The following GNAI1 variants were observed in gnomAD, a reference collection of about 807,000 sequenced individuals.
The protein encoded by GNAI1 is guanine nucleotide-binding protein G(i) subunit alpha-1.
GNAI1 carries 11 observed loss-of-function variants against 38.9 expected under a neutral mutation model. That is an observed-to-expected ratio of 0.28 (90% CI 0.18 to 0.47). The LOEUF is 0.47. GNAI1 is among the 20% of genes least tolerant of loss of function. GNAI1 has a pLI of 0.99. For synonymous variants in GNAI1, 166 were observed against 145.1 expected (o/e 1.14, Z -1.04); for missense variants, 317 against 436.9 (o/e 0.73, Z 2.45).
At chr7:80,211,235 T>C (rs2115707607) in intron 6 of GNAI1, 137 bp downstream of exon 6, 1 of 690,004 alleles carries the variant, frequency 1.4e-6, no homozygotes, top group Non-Finnish European at 2.4e-6. Flanking sequence ...AAAAGAGAGA[T>C]ATACTAGAGA....
intron 4 of GNAI1, among the ~76,000 whole-genome samples, chr7:80,203,159 T>A (rs1788717989): frequency 6.6e-6 from 1 of 152,186 alleles, no homozygotes. Flanking sequence ...ATGTATTGAT[T>A]TAGAGAGCAG....
intron 4 of GNAI1, among the ~76,000 whole-genome samples, chr7:80,202,192 C>T (rs528954470): frequency 6.6e-6 from 1 of 152,098 alleles, no homozygotes; most frequent in Admixed American, 6.5e-5. Context: ...CAGGTGCAAG[C>T]GATTCTCCTG....
At position 80,223,053 on chromosome 7, in the gene GNAI1, A is replaced by G. The variant is rs895525254; in HGVS notation, c.*5560A>G. Among the ~76,000 whole-genome samples, 1 of 152,180 alleles carries G rather than the reference A, an allele frequency of 6.6e-6. No individual in the cohort carries two copies. Among genetic ancestry groups the G allele is most frequent in the African/African-American group, 2.4e-5 (1 of 41,444 alleles). ...GGATACTGTACTGAAAATGAAAAAC[A>G]GATTGATTGCATGGGTACTTGAAAT... On this transcript the variant is annotated 3_prime_UTR_variant, in exon 8 of 8. Coordinates refer to ENST00000649796, the MANE Select transcript of GNAI1 (RefSeq NM_002069.6).
chr7:80,203,944 G>GA (rs1245985686), intron 5 of GNAI1, 112 bp downstream of exon 5: 3 of 618,188 alleles, frequency 4.9e-6, no homozygotes, highest in Non-Finnish European at 5.1e-6. Flanking sequence ...ATTACAGTTG[G>GA]AAAAAAACTT....
intron 1 of GNAI1, among the ~76,000 whole-genome samples, chr7:80,182,610 G>A (rs1484793360): frequency 6.6e-6 from 1 of 152,000 alleles, no homozygotes; most frequent in African/African-American, 2.4e-5. Flanking sequence ...ACCTTTGTTG[G>A]GGAATGATAA....
rs1789121221 is a variant in GNAI1, at chr7:80,224,066, G to T, written c.*6573G>T. 6.6e-6 allele frequency among the ~76,000 whole-genome samples: 1 copy of T among 152,128 alleles called. No homozygotes were observed. ...CTTCTAGATGCAGATTTATACAATAGTGCTAAATCAAGACCTTGAAAAATG... is the reference window on the plus strand; with the variant it reads ...CTTCTAGATGCAGATTTATACAATATTGCTAAATCAAGACCTTGAAAAATG... On this transcript the variant is annotated 3_prime_UTR_variant, in exon 8 of 8. Coordinates refer to ENST00000649796, the MANE Select transcript of GNAI1 (RefSeq NM_002069.6).
In GNAI1 at chr7:80,188,826, C is replaced by T. The variant is rs189465335; in HGVS notation, c.119-125C>T. ...TTTTAGTATAAAACAAAATTCAGCT[C>T]TAAGAGGTAGACACACAGAGAGAGA... On this transcript the variant is annotated intron_variant, in intron 1 of 7. Coordinates refer to ENST00000649796, the MANE Select transcript of GNAI1 (RefSeq NM_002069.6). 3.5e-5 allele frequency: 23 copies of T among 661,104 alleles called. No homozygotes were observed. The African/African-American group carries it at 4.0e-4, about 12-fold the overall frequency. The allele number at this position is 661,104 out of a possible 1,614,324, so 41.0% of individuals were successfully genotyped here.
intron 5 of GNAI1, among the ~76,000 whole-genome samples, chr7:80,204,739 C>A (rs1788744122): frequency 1.3e-5 from 2 of 152,008 alleles, no homozygotes; most frequent in African/African-American, 4.8e-5. Flanking sequence ...ACCCTTAAGT[C>A]TGTACTGTTA....
chr7:80,139,183 C>G (rs1787479184), intron 1 of GNAI1, among the ~76,000 whole-genome samples: 1 of 152,142 alleles, frequency 6.6e-6, no homozygotes, highest in African/African-American at 2.4e-5. Flanking sequence ...TTTGGAATTG[C>G]TGATTTTTTT....
intron 3 of GNAI1, among the ~76,000 whole-genome samples, chr7:80,196,415 A>G (rs1300559456): frequency 1.3e-5 from 2 of 151,610 alleles, no homozygotes; most frequent in Non-Finnish European, 2.9e-5. Context: ...TTCTTTTTCT[A>G]CTCTGTATCA....
intron 6 of GNAI1, 149 bp from the exon 7 acceptor site, chr7:80,212,567 G>A (rs1377309502): frequency 5.7e-6 from 3 of 530,568 alleles, no homozygotes; most frequent in African/African-American, 4.0e-5. Context: ...TAAAGTGAAA[G>A]TGTGTTCTGA....
rs974047398 is a variant in GNAI1, at chr7:80,221,882, T to C, written c.*4389T>C. ...GTCTTGATCACCTGACCTTGTGATCTGACCGCCTCGGCCTCCCAAAGTGCT... is the reference window on the plus strand; with the variant it reads ...GTCTTGATCACCTGACCTTGTGATCCGACCGCCTCGGCCTCCCAAAGTGCT... On this transcript the variant is annotated 3_prime_UTR_variant, in exon 8 of 8. Coordinates refer to ENST00000649796, the MANE Select transcript of GNAI1 (RefSeq NM_002069.6). 1.3e-5 allele frequency among the ~76,000 whole-genome samples: 2 copies of C among 152,052 alleles called. No individual in the cohort carries two copies. Among genetic ancestry groups the C allele is most frequent in the African/African-American group, 4.8e-5 (2 of 41,408 alleles).
At chr7:80,148,424 C>A (rs1274210685) in intron 1 of GNAI1, among the ~76,000 whole-genome samples, 1 of 151,824 alleles carries the variant, frequency 6.6e-6, no homozygotes, top group Non-Finnish European at 1.5e-5. Context: ...TTTGGAGAAT[C>A]GGTAGGACTT....
At chr7:80,193,134 T>A (rs1290964494) in intron 3 of GNAI1, among the ~76,000 whole-genome samples, 1 of 152,122 alleles carries the variant, frequency 6.6e-6, no homozygotes, top group Non-Finnish European at 1.5e-5. Context: ...CCCCATTTCA[T>A]TCCGTTGTTC....
intron 1 of GNAI1, among the ~76,000 whole-genome samples, chr7:80,174,309 TTTTAAA>T (rs2115574711): frequency 6.6e-6 from 1 of 152,242 alleles, no homozygotes; most frequent in African/African-American, 2.4e-5. Flanking sequence ...GTTTTAATTT[TTTTAAA>T]TTTATTTTTT....
chr7:80,178,929 G>A (rs1306734377), intron 1 of GNAI1, among the ~76,000 whole-genome samples: 1 of 152,122 alleles, frequency 6.6e-6, no homozygotes, highest in Non-Finnish European at 1.5e-5. Flanking sequence ...ATACTTAAAT[G>A]TTATTGAATG....
chr7:80,149,036 G>C (rs889275668), intron 1 of GNAI1, among the ~76,000 whole-genome samples: 2 of 151,962 alleles, frequency 1.3e-5, no homozygotes, highest in African/African-American at 4.8e-5. Context: ...TTCAAATGCT[G>C]CTTCTCTCTA....
chr7:80,171,574 C>T (rs1272169294), intron 1 of GNAI1, among the ~76,000 whole-genome samples: 2 of 152,240 alleles, frequency 1.3e-5, no homozygotes, highest in Admixed American at 6.5e-5. Context: ...TGGCATCTAG[C>T]GAAACTGTAT....
Position 80,223,657 on chromosome 7 carries a change from T to A in GNAI1, c.*6164T>A, listed in dbSNP as rs1789115931. On this transcript the variant is annotated 3_prime_UTR_variant, in exon 8 of 8. Transcript: ENST00000649796. ...AGCAAATTCATTAATATGGTTTGTATAGGACTCACTTTGCAGCATTCAATT... is the reference window on the plus strand; with the variant it reads ...AGCAAATTCATTAATATGGTTTGTAAAGGACTCACTTTGCAGCATTCAATT... Among the ~76,000 whole-genome samples the A allele has an allele frequency of 6.6e-6, 1 of 152,226 alleles. No individual in the cohort carries two copies. The highest frequency in any genetic ancestry group is 1.9e-4 in the East Asian group (1 of 5,190).
Sources: gnomAD v4.1 joint callset for allele counts (sites outside exome capture counted in the v4.1 genomes callset) on GRCh38, gnomAD v4.1.1 for gene constraint, MANE v1.5 for transcripts, NCBI Gene and HGNC (gene_info 2026-07-23, HGNC 2026-07-21) for gene names.